CFAP47: variants seen among roughly 807,000 people sequenced by gnomAD.
The protein encoded by CFAP47 is cilia- and flagella-associated protein 47.
In CFAP47, 29 loss-of-function variants were observed where a neutral mutation model predicts 148.1. The ratio of observed to expected loss-of-function variants is 0.20; its 90% CI spans 0.15 to 0.27. The LOEUF is 0.27. CFAP47 is among the 10% of genes least tolerant of loss of function. CFAP47 has a pLI of 1.00. For missense variants in CFAP47, 1,872 were observed against 1,697.5 expected (o/e 1.10, Z -1.81); for synonymous variants, 664 against 577.3 (o/e 1.15, Z -2.15).
At chrX:36,186,272 A>C (rs1555985601) in intron 40 of CFAP47, among the ~76,000 whole-genome samples, 1 of 111,189 alleles carries the variant, frequency 9.0e-6, no homozygotes, top group East Asian at 2.8e-4. Flanking sequence ...AGTCAAGCTG[A>C]AATTTTTTCC....
intron 29 of CFAP47, among the ~76,000 whole-genome samples, chrX:36,078,531 C>CT (rs761063001): frequency 0.14 from 14,667 of 107,546 alleles, 1,074 homozygotes; most frequent in East Asian, 0.26. Flanking sequence ...GCAACCCCTA[C>CT]TTTTTTTTTG....
intron 57 of CFAP47, among the ~76,000 whole-genome samples, chrX:36,328,581 C>T (rs1035749518): frequency 5.5e-5 from 6 of 109,631 alleles, no homozygotes; most frequent in Non-Finnish European, 1.1e-4. Flanking sequence ...GAGGCCGAGG[C>T]GGGTGGATCA....
At position 36,270,779 on chromosome X, in the gene CFAP47, C is replaced by A. The variant is rs1837178972; in HGVS notation, c.7445-9708C>A. ...CATATTCTGGACACAAATCCTTTAT[C>A]AGATACATGTTTTTATAAACTTTTC... is the stretch of plus-strand genomic sequence containing the variant. On this transcript the variant is annotated intron_variant, in intron 49 of 63. Coordinates refer to ENST00000378653, the MANE Select transcript of CFAP47 (RefSeq NM_001304548.2). Among the ~76,000 whole-genome samples the A allele has an allele frequency of 2.8e-5, 3 of 107,060 alleles. No individual in the cohort carries two copies. In the Admixed American group the frequency reaches 3.1e-4, roughly 11 times the overall value. The allele number at this position is 107,060 out of a possible 115,157, so 93.0% of individuals were successfully genotyped here. A position where few individuals can be genotyped will look rare whatever the true frequency, so the allele number is the denominator to read the frequency against.
chrX:36,375,606 T>C, intron 62 of CFAP47, among the ~76,000 whole-genome samples: 1 of 112,742 alleles, frequency 8.9e-6, no homozygotes, highest in East Asian at 2.8e-4. Context: ...CTATCCATTG[T>C]TGAAAGTGCA....
At chrX:36,016,077 A>G (rs1937092837) in intron 22 of CFAP47, among the ~76,000 whole-genome samples, 1 of 110,484 alleles carries the variant, frequency 9.1e-6, no homozygotes, top group African/African-American at 3.3e-5. Context: ...ACTGGCATGC[A>G]ATGGGTAATA....
rs147593235 is a variant in CFAP47 at position 36,134,295 on chromosome X, A to G, written c.5321-3663A>G. Among the ~76,000 whole-genome samples the G allele has an allele frequency of 7.0e-3, 779 of 111,375 alleles. 4 individuals are homozygous for G. Among genetic ancestry groups the G allele is most frequent in the Middle Eastern group, 0.023 (5 of 217 alleles). ...AATACCATCACATATTCTTATAGTC[A>G]ATATCAGTAAGTTGACTCTAAAATA... On this transcript the variant is annotated intron_variant, in intron 33 of 63. Coordinates refer to ENST00000378653, the MANE Select transcript of CFAP47 (RefSeq NM_001304548.2).
rs760782088 is a variant in CFAP47, at chrX:36,024,769, T to C, written c.3557-6484T>C. Among the ~76,000 whole-genome samples, 32 of 111,607 alleles carry C rather than the reference T, an allele frequency of 2.9e-4. No individual in the cohort carries two copies. In the South Asian group the frequency reaches 0.012, roughly 41 times the overall value. On this transcript the variant is annotated intron_variant, in intron 22 of 63. Coordinates refer to ENST00000378653, the MANE Select transcript of CFAP47 (RefSeq NM_001304548.2). Reference sequence around the variant, plus strand: ...TGCCGGGTATTTGGAACAGGTGATGTCAGTGATTCATGACTGTTTTACCTA... The same window carrying C: ...TGCCGGGTATTTGGAACAGGTGATGCCAGTGATTCATGACTGTTTTACCTA...
At chrX:36,178,687 T>C (rs1398174751) in intron 39 of CFAP47, among the ~76,000 whole-genome samples, 1 of 112,191 alleles carries the variant, frequency 8.9e-6, no homozygotes, top group Non-Finnish European at 1.9e-5. Flanking sequence ...ACATGAATTT[T>C]CATGACATCT....
At chrX:36,121,632 C>G (rs139835121) in intron 33 of CFAP47, among the ~76,000 whole-genome samples, 1,776 of 111,449 alleles carry the variant, frequency 0.016, 32 homozygotes, top group African/African-American at 0.055. Flanking sequence ...CCTAAACAAA[C>G]AAACAAGCCA....
At chrX:36,349,572 T>A (rs969639933) in intron 58 of CFAP47, among the ~76,000 whole-genome samples, 12 of 111,977 alleles carry the variant, frequency 1.1e-4, no homozygotes, top group African/African-American at 3.6e-4. Context: ...CTATAAACAT[T>A]TTCTAATATT....
At position 36,348,248 on chromosome X, in the gene CFAP47, C is replaced by A; in HGVS notation, c.8563C>A (p.Pro2855Thr). The A allele has an allele frequency of 9.7e-7, 1 of 1,035,850 alleles. No homozygotes were observed. 85.4% of individuals were successfully genotyped at this position (1,035,850 alleles called of 1,213,427 possible). A position where few individuals can be genotyped will look rare whatever the true frequency, so the allele number is the denominator to read the frequency against. Residue 2855 changes from proline to threonine, a missense_variant, in exon 58 of 64, where the codon CCT (proline) becomes ACT (threonine). Coordinates refer to ENST00000378653, the MANE Select transcript of CFAP47 (RefSeq NM_001304548.2). ...EMTKANGKYW[P>T]IDNFDELDIK... Reference sequence around the variant, plus strand: ...GACGAAAGCAAATGGAAAATATTGGCCTATTGACAATTTTGATGAGTTGGA... The same window carrying A: ...GACGAAAGCAAATGGAAAATATTGGACTATTGACAATTTTGATGAGTTGGA...
intron 57 of CFAP47, among the ~76,000 whole-genome samples, chrX:36,320,198 G>T (rs915803510): frequency 1.5e-4 from 17 of 111,581 alleles, no homozygotes; most frequent in African/African-American, 5.6e-4. Context: ...AAGAACTAAT[G>T]AAGTTTCTTA....
chrX:36,011,204 C>G (rs1421301373), intron 21 of CFAP47, among the ~76,000 whole-genome samples: 1 of 112,018 alleles, frequency 8.9e-6, no homozygotes, highest in African/African-American at 3.2e-5. Context: ...CTAAAATAAT[C>G]AGACACATAA....
intron 23 of CFAP47, among the ~76,000 whole-genome samples, chrX:36,033,596 TA>T (rs1937305576): frequency 9.0e-6 from 1 of 111,662 alleles, no homozygotes; most frequent in Non-Finnish European, 1.9e-5. Context: ...TTAGAATGTG[TA>T]AATTAACCTT....
chrX:36,170,703 A>G (rs1289354253), intron 39 of CFAP47, among the ~76,000 whole-genome samples: 6 of 107,263 alleles, frequency 5.6e-5, no homozygotes, highest in Non-Finnish European at 1.2e-4. Flanking sequence ...TCATTGTTGG[A>G]CATTTGGGTT....
At chrX:36,045,129 A>C (rs1937449503) in intron 25 of CFAP47, among the ~76,000 whole-genome samples, 1 of 111,698 alleles carries the variant, frequency 9.0e-6, no homozygotes, top group African/African-American at 3.3e-5. Context: ...AGTGAAAGTG[A>C]GCATCCTTGT....
intron 23 of CFAP47, among the ~76,000 whole-genome samples, chrX:36,032,898 G>C (rs148380712): frequency 4.5e-4 from 50 of 111,421 alleles, no homozygotes; most frequent in African/African-American, 1.6e-3. Flanking sequence ...TTTTCTAACT[G>C]TGCTCAGAGG....
chrX:36,270,549 G>GTATATATATATATATATATATATATA (rs782687841), intron 49 of CFAP47, among the ~76,000 whole-genome samples: 3 of 95,505 alleles, frequency 3.1e-5, no homozygotes, highest in African/African-American at 1.2e-4. Context: ...TTTAAAATTT[G>GTATATATATATATATATATATATATA]TATATATATA....
chrX:36,357,188 C>T (rs911430762), intron 60 of CFAP47, among the ~76,000 whole-genome samples: 4 of 111,922 alleles, frequency 3.6e-5, no homozygotes, highest in Non-Finnish European at 5.6e-5. Flanking sequence ...CTTTTCCACC[C>T]GTGGCAAGTC....
Sources: allele counts gnomAD v4.1 joint callset (sites outside exome capture counted in the v4.1 genomes callset), GRCh38; gene constraint gnomAD v4.1.1; transcripts MANE v1.5; gene names NCBI Gene and HGNC (gene_info 2026-07-23, HGNC 2026-07-21).